The following KCNMA1 variants were observed in gnomAD, a reference collection of about 807,000 sequenced individuals.
KCNMA1 encodes the protein potassium calcium-activated channel subfamily M alpha 1.
KCNMA1 carries 29 observed loss-of-function variants against 140.0 expected under a neutral mutation model. That is an observed-to-expected ratio of 0.21 (90% confidence interval 0.15 to 0.28). The LOEUF (loss-of-function observed/expected upper bound fraction) is 0.28, where lower values mean the gene tolerates loss of function less well. KCNMA1 is among the 10% of genes least tolerant of loss of function. KCNMA1 has a pLI of 1.00. For synonymous variants in KCNMA1, 612 were observed against 611.9 expected, an observed-to-expected ratio of 1.00 and a Z score of 0.00; for missense variants, 880 against 1,602.2, an observed-to-expected ratio of 0.55 and a Z score of 7.70.
At chr10:77,485,587 T>C (rs889547734) in intron 1 of KCNMA1, among the ~76,000 whole-genome samples, 2 of 152,204 alleles carry the variant, frequency 1.3e-5, no homozygotes, top group Non-Finnish European at 2.9e-5. Context: ...CAAAGCTTCT[T>C]GACTGTGGGG....
At chr10:77,315,537 G>T (rs1442422540) in intron 2 of KCNMA1, 1 of 152,174 alleles carries the variant, frequency 6.6e-6, no homozygotes, top group Non-Finnish European at 1.5e-5. Context: ...ACCCAACTTG[G>T]AAGAATTTGT....
chr10:77,620,046 G>C (rs563628523), intron 1 of KCNMA1, among the ~76,000 whole-genome samples: 1 of 152,192 alleles, frequency 6.6e-6, no homozygotes, highest in South Asian at 2.1e-4. Context: ...TGGGCACTCT[G>C]CAGTGATGAT....
chr10:77,070,716 A>T (rs902510477), intron 14 of KCNMA1, among the ~76,000 whole-genome samples: 1 of 152,114 alleles, frequency 6.6e-6, no homozygotes, highest in Non-Finnish European at 1.5e-5. Context: ...GGGCTTTGTG[A>T]TCCCTGGAAT....
intron 18 of KCNMA1, among the ~76,000 whole-genome samples, chr10:77,010,178 G>A (rs191948220): frequency 4.3e-4 from 66 of 152,178 alleles, no homozygotes; most frequent in African/African-American, 1.4e-3. Flanking sequence ...CACTACAAGC[G>A]TTTCTTTACA....
intron 2 of KCNMA1, among the ~76,000 whole-genome samples, chr10:77,384,278 C>A (rs938697993): frequency 6.6e-6 from 1 of 152,192 alleles, no homozygotes; most frequent in Non-Finnish European, 1.5e-5. Flanking sequence ...GCTGCACAGG[C>A]ACTCCCAGGT....
chr10:77,197,722 G>A (rs141802625), intron 3 of KCNMA1, among the ~76,000 whole-genome samples: 4 of 152,296 alleles, frequency 2.6e-5, no homozygotes, highest in African/African-American at 4.8e-5. Flanking sequence ...ACCTGGAGGC[G>A]ACAACCGAAA....
chr10:77,433,277 C>T (rs771378490), intron 1 of KCNMA1, among the ~76,000 whole-genome samples: 7 of 152,086 alleles, frequency 4.6e-5, no homozygotes, highest in Middle Eastern at 3.2e-3. Flanking sequence ...CTCAGCCTCC[C>T]GAGTAGCTGG....
chr10:76,964,916 A>G (rs563154154), intron 20 of KCNMA1, among the ~76,000 whole-genome samples: 6 of 152,288 alleles, frequency 3.9e-5, no homozygotes, highest in Non-Finnish European at 8.8e-5. Flanking sequence ...ACTCTCCTCA[A>G]AATGTTCAAT....
chr10:76,880,288 C>A (rs1049809913), downstream of KCNMA1, among the ~76,000 whole-genome samples: 8 of 152,032 alleles, frequency 5.3e-5, no homozygotes, highest in Admixed American at 2.0e-4. Flanking sequence ...AAACTTCTCT[C>A]TTTCCTTTTA....
intron 1 of KCNMA1, among the ~76,000 whole-genome samples, chr10:77,565,434 T>C (rs369548719): frequency 6.6e-6 from 1 of 152,184 alleles, no homozygotes; most frequent in Non-Finnish European, 1.5e-5. Context: ...AAGATGATGA[T>C]AAAAAGAAGG....
At chr10:77,253,394 T>C (rs897280844) in intron 2 of KCNMA1, among the ~76,000 whole-genome samples, 3 of 152,250 alleles carry the variant, frequency 2.0e-5, no homozygotes, top group African/African-American at 7.2e-5. Context: ...GCAAATGGCA[T>C]CTACATCATT....
chr10:77,253,552 G>C (rs571490038), intron 2 of KCNMA1, among the ~76,000 whole-genome samples: 14 of 152,290 alleles, frequency 9.2e-5, no homozygotes, highest in Admixed American at 2.6e-4. Flanking sequence ...AAGCAAATCA[G>C]CCAGTGACAG....
At chr10:77,166,601 A>G (rs1471336498) in intron 5 of KCNMA1, among the ~76,000 whole-genome samples, 1 of 152,058 alleles carries the variant, frequency 6.6e-6, no homozygotes, top group East Asian at 1.9e-4. Flanking sequence ...GAGGGGAAGG[A>G]CATGGAGGAG....
At chr10:77,008,087 A>G (rs2089639135) in intron 18 of KCNMA1, 1 of 1,221,246 alleles carries the variant, frequency 8.2e-7, no homozygotes, top group Non-Finnish European at 1.1e-6. Flanking sequence ...CAAAAGTAAA[A>G]GGGAAACTAA....
intron 1 of KCNMA1, among the ~76,000 whole-genome samples, chr10:77,591,421 G>A (rs1483060137): frequency 6.6e-6 from 1 of 152,134 alleles, no homozygotes; most frequent in African/African-American, 2.4e-5. Flanking sequence ...TAAATTGTGT[G>A]TTCTCTTAAC....
intron 5 of KCNMA1, among the ~76,000 whole-genome samples, chr10:77,168,700 T>C (rs1339181072): frequency 6.6e-6 from 1 of 152,216 alleles, no homozygotes; most frequent in African/African-American, 2.4e-5. Flanking sequence ...AAATAACTTA[T>C]TTTATTCCTA....
intron 12 of KCNMA1, among the ~76,000 whole-genome samples, chr10:77,081,544 T>C (rs577469709): frequency 7.2e-5 from 11 of 152,218 alleles, no homozygotes; most frequent in South Asian, 6.2e-4. Flanking sequence ...CTTCACCCCT[T>C]TTAGTGCAGA....
At chr10:76,946,232 C>T (rs917280282) in intron 22 of KCNMA1, among the ~76,000 whole-genome samples, 6 of 152,160 alleles carry the variant, frequency 3.9e-5, no homozygotes, top group Non-Finnish European at 8.8e-5. Context: ...TCAGGCCACC[C>T]CATGCCATAG....
Position 76,887,036 on chromosome 10 carries a change from A to T in KCNMA1, c.*230T>A. ...CATGCCTTTGGGTTATTTTTCCCCCAGAATCATAAATAACTTTTGGTCCGT... is the reference window on the plus strand; with the variant it reads ...CATGCCTTTGGGTTATTTTTCCCCCTGAATCATAAATAACTTTTGGTCCGT... On this transcript the variant is annotated 3_prime_UTR_variant, in exon 28 of 28. Transcript: ENST00000286628. 1 of 1,409,140 alleles carries T rather than the reference A, an allele frequency of 7.1e-7. No homozygotes were observed. The highest frequency in any genetic ancestry group is 9.3e-7 in the Non-Finnish European group (1 of 1,077,112). 87.3% of individuals were successfully genotyped at this position (1,409,140 alleles called of 1,614,324 possible). A position where few individuals can be genotyped will look rare whatever the true frequency, so the allele number is the denominator to read the frequency against.
Sources: gnomAD v4.1 joint callset for allele counts (sites outside exome capture counted in the v4.1 genomes callset) on GRCh38, gnomAD v4.1.1 for gene constraint, MANE v1.5 for transcripts, NCBI Gene and HGNC (gene_info 2026-07-23, HGNC 2026-07-21) for gene names.